SEMA5A: variants seen among roughly 807,000 people sequenced by gnomAD.
SEMA5A encodes semaphorin 5A, also known as semaphorin-5A.
A neutral mutation model predicts 135.5 loss-of-function variants in SEMA5A; 55 were observed. That is an observed-to-expected ratio of 0.41 (90% confidence interval 0.33 to 0.51). The LOEUF (loss-of-function observed/expected upper bound fraction) is 0.51. SEMA5A is among the 20% of genes least tolerant of loss of function. The pLI, the probability that SEMA5A is intolerant of heterozygous loss-of-function variation, is 0.37. For missense variants in SEMA5A, 1,290 were observed against 1,419.9 expected (o/e 0.91, Z 1.47); for synonymous variants, 580 against 546.5 (o/e 1.06, Z -0.85).
chr5:9,431,259 C>T (rs1054308005), intron 2 of SEMA5A, among the ~76,000 whole-genome samples: 9 of 151,968 alleles, frequency 5.9e-5, no homozygotes, highest in Non-Finnish European at 2.9e-5. Context: ...TTTATATGTA[C>T]TAAAAAAAAT....
At chr5:9,088,659 T>TACACACACACACACAC (rs1554026678) in intron 16 of SEMA5A, among the ~76,000 whole-genome samples, 26 of 112,750 alleles carry the variant, frequency 2.3e-4, no homozygotes, top group Non-Finnish European at 4.0e-4. Context: ...TATATATATA[T>TACACACACACACACAC]ACACACACAC....
At chr5:9,192,641 A>C (rs570132954) in intron 10 of SEMA5A, among the ~76,000 whole-genome samples, 1 of 152,274 alleles carries the variant, frequency 6.6e-6, no homozygotes, top group East Asian at 1.9e-4. Flanking sequence ...TAACATTTGG[A>C]GGTCAGAGAC....
At chr5:9,169,463 C>T (rs1390512941) in intron 11 of SEMA5A, among the ~76,000 whole-genome samples, 1 of 152,140 alleles carries the variant, frequency 6.6e-6, no homozygotes, top group African/African-American at 2.4e-5. Flanking sequence ...ATGATAGCCA[C>T]GGCATGTAAA....
At chr5:9,242,629 G>A (rs1235561438) in intron 5 of SEMA5A, among the ~76,000 whole-genome samples, 2 of 152,176 alleles carry the variant, frequency 1.3e-5, no homozygotes, top group African/African-American at 4.8e-5. Flanking sequence ...GAGTGGGAGC[G>A]GGGCAAGGCA....
chr5:9,444,156 A>G (rs1402435697), intron 1 of SEMA5A, among the ~76,000 whole-genome samples: 1 of 151,888 alleles, frequency 6.6e-6, no homozygotes, highest in Admixed American at 6.6e-5. Flanking sequence ...TCACCACTTA[A>G]ATTTTTTTTT....
chr5:9,100,059 T>C (rs1739540272), intron 16 of SEMA5A, among the ~76,000 whole-genome samples: 1 of 152,184 alleles, frequency 6.6e-6, no homozygotes, highest in Non-Finnish European at 1.5e-5. Flanking sequence ...GCTAAATAAA[T>C]ATGCCTGGCA....
chr5:9,158,629 C>T (rs992715516), intron 11 of SEMA5A, among the ~76,000 whole-genome samples: 15 of 152,072 alleles, frequency 9.9e-5, no homozygotes, highest in Non-Finnish European at 1.8e-4. Context: ...GACACTGCTT[C>T]AGTGCAAACT....
Position 9,293,591 on chromosome 5 carries a change from G to T in SEMA5A, c.270+24781C>A, listed in dbSNP as rs116317843. ...CATGTTATTAAATTCTGCATATTTT[G>T]TCACAGTTTGTGTTTGTGTAATTTT... is the stretch of plus-strand genomic sequence containing the variant. On this transcript the variant is annotated intron_variant, in intron 5 of 22. Transcript: ENST00000382496. Among the ~76,000 whole-genome samples, 309 of 152,248 alleles carry T rather than the reference G, an allele frequency of 2.0e-3. 1 individual carries two copies. Among genetic ancestry groups the T allele is most frequent in the Non-Finnish European group, 3.2e-3 (220 of 68,006 alleles).
chr5:9,529,931 T>A (rs750181873), intron 1 of SEMA5A, among the ~76,000 whole-genome samples: 9 of 152,154 alleles, frequency 5.9e-5, no homozygotes, highest in African/African-American at 1.2e-4. Context: ...TAGGCATAGT[T>A]CCCTGAAACC....
rs34149326 is a variant in SEMA5A at position 9,136,219 on chromosome 5, G to GAA, written c.1599+283_1599+284dup. On this transcript the variant is annotated intron_variant, in intron 13 of 22. Coordinates refer to ENST00000382496, the MANE Select transcript of SEMA5A (RefSeq NM_003966.3). ...TAGTCCACACCAAACTCTGGAGGGG[G>GAA]AAAAAAAAATCCAAGAATAAAACAA... Among the ~76,000 whole-genome samples, 3 of 151,094 alleles carry GAA rather than the reference G, an allele frequency of 2.0e-5. No individual in the cohort carries two copies. In the East Asian group the frequency reaches 5.8e-4, roughly 29 times the overall value.
rs200025667 is a variant in SEMA5A, at chr5:9,050,475, G to A, written c.2846-18C>T. ...AGATACTTCTGGAAAAAGAAAAGTC[G>A]AATCACAATGTGTAAAAGGTGTTCA... On this transcript the variant is annotated intron_variant, in intron 20 of 22. Coordinates refer to ENST00000382496, the MANE Select transcript of SEMA5A (RefSeq NM_003966.3). 1.4e-4 allele frequency: 222 copies of A among 1,609,650 alleles called. No homozygotes were observed. In the East Asian group the frequency reaches 3.3e-3, roughly 24 times the overall value.
intron 2 of SEMA5A, among the ~76,000 whole-genome samples, chr5:9,413,356 A>C (rs2126609923): frequency 6.6e-6 from 1 of 152,340 alleles, no homozygotes; most frequent in South Asian, 2.1e-4. Context: ...ATCAGAAATA[A>C]CACACCTGGA....
chr5:9,427,470 G>A (rs1357863927), intron 2 of SEMA5A, among the ~76,000 whole-genome samples: 1 of 152,192 alleles, frequency 6.6e-6, no homozygotes, highest in Non-Finnish European at 1.5e-5. Context: ...GCCTATCAAA[G>A]CATGTGTTGG....
In SEMA5A at chr5:9,036,976, G is replaced by A. The variant is rs1735685538; in HGVS notation, c.*5921C>T. 1 of 152,192 alleles carries A rather than the reference G, an allele frequency of 6.6e-6. No homozygotes were observed. Among genetic ancestry groups the A allele is most frequent in the Non-Finnish European group, 1.5e-5 (1 of 68,016 alleles). The allele number at this position is 152,192 out of a possible 1,614,324, so 9.4% of individuals were successfully genotyped here. A position where few individuals can be genotyped will look rare whatever the true frequency, so the allele number is the denominator to read the frequency against. On this transcript the variant is annotated 3_prime_UTR_variant, in exon 23 of 23. Transcript: ENST00000382496. ...CTCAGCTTGTATTTATCAAACATTT[G>A]AATCATTTTATTACTGCCATTCATC...
At chr5:9,422,895 C>T (rs992796873) in intron 2 of SEMA5A, among the ~76,000 whole-genome samples, 4 of 152,102 alleles carry the variant, frequency 2.6e-5, no homozygotes, top group African/African-American at 9.7e-5. Flanking sequence ...TCACTGACTC[C>T]ATCTGCAAGC....
At chr5:9,180,348 A>T (rs146001385) in intron 11 of SEMA5A, among the ~76,000 whole-genome samples, 1 of 152,320 alleles carries the variant, frequency 6.6e-6, no homozygotes, top group Non-Finnish European at 1.5e-5. Flanking sequence ...CAGTAAATGA[A>T]AAATTCATTA....
At chr5:9,322,573 A>G (rs1752677540) in intron 4 of SEMA5A, among the ~76,000 whole-genome samples, 1 of 152,152 alleles carries the variant, frequency 6.6e-6, no homozygotes, top group Non-Finnish European at 1.5e-5. Context: ...CCCATTCCAT[A>G]TTTTTAATCT....
At chr5:9,061,155 G>T (rs376998274) in intron 18 of SEMA5A, among the ~76,000 whole-genome samples, 2 of 151,862 alleles carry the variant, frequency 1.3e-5, no homozygotes, top group African/African-American at 2.4e-5. Flanking sequence ...TGGCCATACT[G>T]GGTTGACGCT....
At chr5:9,442,064 G>A (rs552248145) in intron 1 of SEMA5A, among the ~76,000 whole-genome samples, 22 of 152,298 alleles carry the variant, frequency 1.4e-4, no homozygotes, top group African/African-American at 5.1e-4. Flanking sequence ...GAGGAGAATT[G>A]CAGTGAAGGA....
Sources: allele counts gnomAD v4.1 joint callset (sites outside exome capture counted in the v4.1 genomes callset), GRCh38; gene constraint gnomAD v4.1.1; transcripts MANE v1.5; gene names NCBI Gene and HGNC (gene_info 2026-07-23, HGNC 2026-07-21).